The following SHC3 variants were observed in gnomAD, a reference collection of about 807,000 sequenced individuals.
SHC3 encodes the protein SHC adaptor protein 3, also known as SHC-transforming protein 3.
Under a neutral mutation model 60.4 loss-of-function variants are expected in SHC3, and 15 were observed. The observed-to-expected ratio is 0.25, with a 90% confidence interval of 0.17 to 0.38. SHC3 has a LOEUF of 0.38. Among genes scored for constraint, SHC3 ranks in the 10% least tolerant of loss-of-function variants. The probability of loss-of-function intolerance (pLI) is 1.00; values close to 1 mark genes in which losing one functional copy is unlikely to be tolerated. For missense variants in SHC3, 677 were observed against 786.1 expected, an observed-to-expected ratio of 0.86 and a Z score of 1.66; for synonymous variants, 294 against 325.9, an observed-to-expected ratio of 0.90 and a Z score of 1.05.
intron 11 of SHC3, among the ~76,000 whole-genome samples, chr9:89,018,052 A>T (rs2118639105): frequency 6.6e-6 from 1 of 152,356 alleles, no homozygotes; most frequent in South Asian, 2.1e-4. Flanking sequence ...GGGAGTGTAA[A>T]TTAGTTCAAA....
At chr9:89,052,519 A>G (rs1824878231) in intron 6 of SHC3, among the ~76,000 whole-genome samples, 1 of 152,252 alleles carries the variant, frequency 6.6e-6, no homozygotes, top group African/African-American at 2.4e-5. Flanking sequence ...TCAGCACGAC[A>G]AAGAGCCTGA....
At chr9:89,068,981 T>C (rs1825227010) in intron 5 of SHC3, among the ~76,000 whole-genome samples, 1 of 152,060 alleles carries the variant, frequency 6.6e-6, no homozygotes, top group Non-Finnish European at 1.5e-5. Flanking sequence ...AGGTAGCAAA[T>C]AGGTGGACAT....
At chr9:89,129,819 AC>A (rs1259450772) in intron 1 of SHC3, among the ~76,000 whole-genome samples, 5 of 152,248 alleles carry the variant, frequency 3.3e-5, no homozygotes, top group Admixed American at 3.3e-4. Context: ...AATTGTAAAG[AC>A]CATCAATGAT....
At chr9:89,130,718 G>A (rs537214218) in intron 1 of SHC3, among the ~76,000 whole-genome samples, 26 of 152,322 alleles carry the variant, frequency 1.7e-4, no homozygotes, top group South Asian at 1.4e-3. Flanking sequence ...TGAAGCCAAC[G>A]AGAACAAAGA....
At chr9:89,112,521 T>A (rs369404249) in intron 2 of SHC3, 35 bp downstream of exon 2, 1 of 1,598,272 alleles carries the variant, frequency 6.3e-7, no homozygotes, top group East Asian at 2.2e-5. Context: ...CCTTCAGAAG[T>A]AAAATCACAG....
chr9:89,107,178 A>G (rs1825875308), intron 2 of SHC3, among the ~76,000 whole-genome samples: 1 of 152,092 alleles, frequency 6.6e-6, no homozygotes, highest in Non-Finnish European at 1.5e-5. Flanking sequence ...TACACCTGCC[A>G]TATTGTTGAG....
Position 89,077,889 on chromosome 9 carries a change from C to G in SHC3, c.560G>C (p.Arg187Pro). Reference sequence around the variant, plus strand: ...CGCACCAGGCACAGCTTCACAGACGCGGCTGATGGCTTCCCTTAGGACAGG... The same window carrying G: ...CGCACCAGGCACAGCTTCACAGACGGGGCTGATGGCTTCCCTTAGGACAGG... ...RTQITREAISRVCEAVPGAKG... is the reference protein window; with the variant it reads ...RTQITREAISPVCEAVPGAKG... Residue 187 changes from arginine (R) to proline (P), a missense_variant, in exon 3 of 12, where the codon CGC becomes CCC. Arg to Pro is a moderately radical substitution (Grantham distance 103, BLOSUM62 -2). Transcript: ENST00000375835. The G allele has an allele frequency of 6.2e-7, 1 of 1,614,214 alleles. No homozygotes were observed. Among genetic ancestry groups the G allele is most frequent in the Non-Finnish European group, 8.5e-7 (1 of 1,180,036 alleles).
chr9:89,041,567 G>A (rs1170241673), intron 10 of SHC3, among the ~76,000 whole-genome samples: 1 of 152,146 alleles, frequency 6.6e-6, no homozygotes, highest in African/African-American at 2.4e-5. Context: ...GAAAGAGAGA[G>A]AAAACCCTCA....
Position 89,013,397 on chromosome 9 carries a change from T to C in SHC3, c.*50A>G, listed in dbSNP as rs750128595. 30 of 1,444,418 alleles carry C rather than the reference T, an allele frequency of 2.1e-5. No homozygotes were observed. The highest frequency in any genetic ancestry group is 2.7e-5 in the Non-Finnish European group (30 of 1,091,886). 89.5% of individuals were successfully genotyped at this position (1,444,418 alleles called of 1,614,324 possible). The stretch of plus-strand genomic sequence containing the variant: ...TCCAGCAGCCCCGATTCTAGTCCAC[T>C]CCAGGTCCTCCTGACCTGGTGCGCA... On this transcript the variant is annotated 3_prime_UTR_variant, in exon 12 of 12. Transcript: ENST00000375835.
intron 2 of SHC3, among the ~76,000 whole-genome samples, chr9:89,083,330 T>A (rs892799550): frequency 6.6e-6 from 1 of 152,038 alleles, no homozygotes; most frequent in African/African-American, 2.4e-5. Flanking sequence ...TGGAGGAAGA[T>A]CCTATAAAAA....
rs151015103 is a variant in SHC3 at position 89,006,391 on chromosome 9, A to G, written c.*7056T>C. 173 of 152,384 alleles carry G rather than the reference A, an allele frequency of 1.1e-3. No individual in the cohort carries two copies. The highest frequency in any genetic ancestry group is 3.9e-3 in the African/African-American group (164 of 41,602). The allele number at this position is 152,384 out of a possible 1,614,324, so 9.4% of individuals were successfully genotyped here. A position where few individuals can be genotyped will look rare whatever the true frequency, so the allele number is the denominator to read the frequency against. ...GATAACTTAGGTTTTTTCATTTGTC[A>G]TAGAACAAAGATTAGAGAACTTGAA... is the stretch of plus-strand genomic sequence containing the variant. On this transcript the variant is annotated 3_prime_UTR_variant, in exon 12 of 12. Coordinates refer to ENST00000375835, the MANE Select transcript of SHC3 (RefSeq NM_016848.6).
At chr9:89,090,855 G>C (rs546316495) in intron 2 of SHC3, among the ~76,000 whole-genome samples, 1 of 152,354 alleles carries the variant, frequency 6.6e-6, no homozygotes, top group African/African-American at 2.4e-5. Flanking sequence ...GTTTGCTGAT[G>C]CAGAGCGAAA....
At chr9:89,177,891 G>A in intron 1 of SHC3, 96 bp downstream of exon 1, 17 of 1,131,990 alleles carry the variant, frequency 1.5e-5, no homozygotes, top group Non-Finnish European at 1.7e-5. Flanking sequence ...ACAGTCGCGG[G>A]AGCGCCCCGC....
At chr9:89,158,874 GT>G (rs1826664995) in intron 1 of SHC3, among the ~76,000 whole-genome samples, 1 of 152,210 alleles carries the variant, frequency 6.6e-6, no homozygotes, top group Non-Finnish European at 1.5e-5. Context: ...ACTCTGTAGT[GT>G]GACATTTGCT....
intron 1 of SHC3, among the ~76,000 whole-genome samples, chr9:89,139,289 T>C (rs1826360327): frequency 6.6e-6 from 1 of 152,208 alleles, no homozygotes. Flanking sequence ...GACTAGAATC[T>C]AATAACAAGT....
At chr9:89,095,050 C>T (rs1034091515) in intron 2 of SHC3, among the ~76,000 whole-genome samples, 5 of 152,126 alleles carry the variant, frequency 3.3e-5, no homozygotes, top group African/African-American at 7.2e-5. Flanking sequence ...CTGTGGAAAA[C>T]GGCATGGCGG....
intron 6 of SHC3, among the ~76,000 whole-genome samples, chr9:89,059,506 C>T (rs1029453864): frequency 7.0e-4 from 82 of 117,202 alleles, no homozygotes; most frequent in Non-Finnish European, 1.3e-3. Context: ...AGTGTTAGGA[C>T]GTGGTGGAGG....
chr9:89,012,143 A>G lies in SHC3; in HGVS notation c.*1304T>C, dbSNP rs942542741. ...TGCCAGCAAGCAAATGGATCCATCT[A>G]TTCTTTAAAGGGCATCTGTGAAAAT... On this transcript the variant is annotated 3_prime_UTR_variant, in exon 12 of 12. Transcript: ENST00000375835. The G allele has an allele frequency of 6.6e-6, 1 of 152,222 alleles. No individual in the cohort carries two copies. The highest frequency in any genetic ancestry group is 2.4e-5 in the African/African-American group (1 of 41,430). The allele number at this position is 152,222 out of a possible 1,614,324, so 9.4% of individuals were successfully genotyped here.
At chr9:89,093,980 T>C (rs1056189085) in intron 2 of SHC3, among the ~76,000 whole-genome samples, 4 of 151,864 alleles carry the variant, frequency 2.6e-5, no homozygotes, top group African/African-American at 9.7e-5. Context: ...GGCAGGCACC[T>C]GTAATCCCAG....
Sources: gnomAD v4.1 joint callset for allele counts (sites outside exome capture counted in the v4.1 genomes callset) on GRCh38, gnomAD v4.1.1 for gene constraint, MANE v1.5 for transcripts, NCBI Gene and HGNC (gene_info 2026-07-23, HGNC 2026-07-21) for gene names.